Variants in CDH4 observed in about 807,000 individuals in gnomAD.
CDH4 encodes cadherin 4.
Under a neutral mutation model 86.0 loss-of-function variants are expected in CDH4, and 33 were observed. That is an observed-to-expected ratio of 0.38 (90% confidence interval 0.29 to 0.51). The LOEUF (loss-of-function observed/expected upper bound fraction) is 0.51. Among genes scored for constraint, CDH4 ranks in the 20% least tolerant of loss-of-function variants. CDH4 has a pLI of 0.86. For missense variants in CDH4, 1,114 were observed against 1,307.4 expected (o/e 0.85, Z 2.28); for synonymous variants, 555 against 549.4 (o/e 1.01, Z -0.14).
At chr20:61,827,646 C>A (rs1228984643) in intron 4 of CDH4, among the ~76,000 whole-genome samples, 1 of 152,206 alleles carries the variant, frequency 6.6e-6, no homozygotes, top group Admixed American at 6.5e-5. Flanking sequence ...CACTGAACAC[C>A]CAAGCCCCTA....
At chr20:61,726,655 A>G (rs1353712679) in intron 2 of CDH4, among the ~76,000 whole-genome samples, 1 of 151,100 alleles carries the variant, frequency 6.6e-6, no homozygotes, top group Non-Finnish European at 1.5e-5. Flanking sequence ...CACCACCATC[A>G]TGACCATCAC....
intron 2 of CDH4, among the ~76,000 whole-genome samples, chr20:61,317,870 A>G (rs1023433558): frequency 2.0e-5 from 3 of 152,262 alleles, no homozygotes; most frequent in Non-Finnish European, 4.4e-5. Context: ...GGGACATGTC[A>G]GAGTGGGGTA....
intron 2 of CDH4, among the ~76,000 whole-genome samples, chr20:61,546,337 G>A (rs187104308): frequency 6.6e-6 from 1 of 150,818 alleles, no homozygotes; most frequent in Admixed American, 6.6e-5. Context: ...TGTGAGGTGT[G>A]TATATGCGTG....
At chr20:61,618,328 G>A (rs914816646) in intron 2 of CDH4, among the ~76,000 whole-genome samples, 10 of 152,118 alleles carry the variant, frequency 6.6e-5, no homozygotes, top group East Asian at 5.8e-4. Flanking sequence ...GGCTGGGAGC[G>A]TTGTTTTTCA....
At chr20:61,918,637 G>A (rs2054931479) in intron 9 of CDH4, among the ~76,000 whole-genome samples, 1 of 152,160 alleles carries the variant, frequency 6.6e-6, no homozygotes, top group Non-Finnish European at 1.5e-5. Context: ...GAGGGACAAG[G>A]AGACCACCCC....
intron 4 of CDH4, among the ~76,000 whole-genome samples, chr20:61,796,553 C>T (rs1302913324): frequency 6.6e-6 from 1 of 152,182 alleles, no homozygotes; most frequent in Non-Finnish European, 1.5e-5. Flanking sequence ...TGTAGTGGCC[C>T]CCGACCATTG....
At chr20:61,335,852 C>T (rs527484514) in intron 2 of CDH4, among the ~76,000 whole-genome samples, 5 of 152,326 alleles carry the variant, frequency 3.3e-5, no homozygotes, top group East Asian at 1.9e-4. Context: ...AGAGCTGGTT[C>T]TACCCACTGA....
chr20:61,758,757 C>T (rs1333183442), intron 3 of CDH4, among the ~76,000 whole-genome samples: 4 of 152,322 alleles, frequency 2.6e-5, no homozygotes, highest in Middle Eastern at 6.8e-3. Flanking sequence ...TGACGGGGGA[C>T]GAGCCCACCT....
chr20:61,628,616 A>G (rs543325055), intron 2 of CDH4, among the ~76,000 whole-genome samples: 107 of 152,330 alleles, frequency 7.0e-4, no homozygotes, highest in African/African-American at 2.5e-3. Flanking sequence ...CCAGCCCCAC[A>G]GGCCGGGCAT....
intron 2 of CDH4, among the ~76,000 whole-genome samples, chr20:61,677,085 C>A (rs576707951): frequency 6.6e-6 from 1 of 152,156 alleles, no homozygotes; most frequent in East Asian, 1.9e-4. Context: ...GAGGACCATA[C>A]CTTTTACTCC....
rs1314007585 is a variant in CDH4, at chr20:61,830,126, G to A, written c.577-14542G>A. Among the ~76,000 whole-genome samples the A allele has an allele frequency of 3.0e-4, 6 of 19,948 alleles. No individual in the cohort carries two copies. The East Asian group carries it at 4.6e-3, about 15-fold the overall frequency. 13.1% of individuals were successfully genotyped at this position (19,948 alleles called of 152,430 possible). On this transcript the variant is annotated intron_variant, in intron 4 of 15. Coordinates refer to ENST00000614565, the MANE Select transcript of CDH4 (RefSeq NM_001794.5). ...ACCCCCATGCCCCACCCCCACACCC[G>A]TTCATGTGACCCAGATCCATCTCCT... is the stretch of plus-strand genomic sequence containing the variant.
At chr20:61,336,742 A>G (rs2084619409) in intron 2 of CDH4, among the ~76,000 whole-genome samples, 1 of 152,198 alleles carries the variant, frequency 6.6e-6, no homozygotes, top group Non-Finnish European at 1.5e-5. Flanking sequence ...ATTGAGAATC[A>G]GTTGAAGGTA....
intron 6 of CDH4, among the ~76,000 whole-genome samples, chr20:61,859,075 TTGTCATCAC>T (rs745905215): frequency 9.9e-4 from 151 of 152,280 alleles, no homozygotes; most frequent in Non-Finnish European, 1.4e-3. Flanking sequence ...GCATCTGACG[TTGTCATCAC>T]TTTCAACGTT....
At chr20:61,339,063 C>G (rs1403095424) in intron 2 of CDH4, among the ~76,000 whole-genome samples, 7 of 152,140 alleles carry the variant, frequency 4.6e-5, no homozygotes, top group Admixed American at 2.0e-4. Flanking sequence ...CGCACACACC[C>G]CCCATATATT....
At chr20:61,572,954 G>A (rs1002680083) in intron 2 of CDH4, among the ~76,000 whole-genome samples, 3 of 150,836 alleles carry the variant, frequency 2.0e-5, no homozygotes, top group African/African-American at 7.3e-5. Flanking sequence ...ACATATGGGT[G>A]TACAGACATG....
chr20:61,415,582 G>A (rs1385071559), intron 2 of CDH4, among the ~76,000 whole-genome samples: 1 of 151,870 alleles, frequency 6.6e-6, no homozygotes, highest in South Asian at 2.1e-4. Context: ...TTATTTCTAT[G>A]AATGTGACTG....
chr20:61,534,907 GACGCTCCTT>G (rs2085985341), intron 2 of CDH4, among the ~76,000 whole-genome samples: 1 of 150,696 alleles, frequency 6.6e-6, no homozygotes, highest in South Asian at 2.2e-4. Context: ...CCCTTGCTGG[GACGCTCCTT>G]TGGAGCAGCC....
At chr20:61,865,561 G>A (rs1252621969) in intron 6 of CDH4, among the ~76,000 whole-genome samples, 1 of 152,000 alleles carries the variant, frequency 6.6e-6, no homozygotes, top group African/African-American at 2.4e-5. Flanking sequence ...TGGCTTCCTG[G>A]CTGGTTAGTG....
chr20:61,405,264 G>C (rs891255015), intron 2 of CDH4, among the ~76,000 whole-genome samples: 1 of 151,374 alleles, frequency 6.6e-6, no homozygotes, highest in Non-Finnish European at 1.5e-5. Flanking sequence ...CCGTTCTCGG[G>C]CAGTGATTCC....
Sources: allele counts gnomAD v4.1 joint callset (sites outside exome capture counted in the v4.1 genomes callset), GRCh38; gene constraint gnomAD v4.1.1; transcripts MANE v1.5; gene names NCBI Gene and HGNC (gene_info 2026-07-23, HGNC 2026-07-21).